The following EXOC4 variants were observed in gnomAD, a reference collection of about 807,000 sequenced individuals.
EXOC4 encodes exocyst complex component 4, also known as SEC8-like 1.
A neutral mutation model predicts 107.2 loss-of-function variants in EXOC4; 71 were observed. That is an observed-to-expected ratio of 0.66 (90% CI 0.55 to 0.81). EXOC4 has a LOEUF of 0.81. Ranked by LOEUF, EXOC4 falls within the 30% of genes least tolerant of loss-of-function variation. The pLI, the probability that EXOC4 is intolerant of heterozygous loss-of-function variation, is 0.00. For missense variants in EXOC4, 1,108 were observed against 1,189.6 expected (o/e 0.93, Z 1.01); for synonymous variants, 456 against 441.2 (o/e 1.03, Z -0.42).
At chr7:134,079,744 T>C in the EXOC4 span, among the ~76,000 whole-genome samples, 1 of 152,186 alleles carries the variant, frequency 6.6e-6, no homozygotes, top group African/African-American at 2.4e-5. Flanking sequence ...CTACTAACCA[T>C]CACTTTCCTA....
At chr7:133,766,992 A>G (rs952699388) in intron 10 of EXOC4, among the ~76,000 whole-genome samples, 2 of 151,916 alleles carry the variant, frequency 1.3e-5, no homozygotes, top group African/African-American at 2.4e-5. Context: ...CAGACGCTAG[A>G]TATTTTTAAA....
chr7:133,475,918 T>G (rs973096811), intron 8 of EXOC4, among the ~76,000 whole-genome samples: 3 of 147,692 alleles, frequency 2.0e-5, no homozygotes, highest in African/African-American at 5.3e-5. Flanking sequence ...ACAATCTGGG[T>G]TTTTTTTTAT....
intron 7 of EXOC4, among the ~76,000 whole-genome samples, chr7:133,467,068 T>A (rs1798747416): frequency 6.6e-6 from 1 of 152,150 alleles, no homozygotes; most frequent in African/African-American, 2.4e-5. Context: ...CTATTCACAT[T>A]ATGTATTTCA....
rs58354607 is a variant in EXOC4, at chr7:133,669,004, A to ATTTTTTTT, written c.1514+38874_1514+38881dup. ...TATGCACAATAGAATTGTTCTCCCAATTTTTTTTTTTTTTTTTTGCCTGTC... is the reference window on the plus strand; with the variant it reads ...TATGCACAATAGAATTGTTCTCCCAATTTTTTTTTTTTTTTTTTTTTTTTTTGCCTGTC... On this transcript the variant is annotated intron_variant, in intron 10 of 17. Coordinates refer to ENST00000253861, the MANE Select transcript of EXOC4 (RefSeq NM_021807.4). Among the ~76,000 whole-genome samples the ATTTTTTTT allele has an allele frequency of 1.3e-3, 150 of 118,410 alleles. 6 individuals are homozygous for ATTTTTTTT. The highest frequency in any genetic ancestry group is 3.7e-3 in the Admixed American group (39 of 10,460). The allele number at this position is 118,410 out of a possible 152,430, so 77.7% of individuals were successfully genotyped here.
chr7:133,800,560 C>A (rs1796917424), intron 10 of EXOC4, among the ~76,000 whole-genome samples: 1 of 152,164 alleles, frequency 6.6e-6, no homozygotes, highest in Non-Finnish European at 1.5e-5. Context: ...AGTAATATCA[C>A]ATTATTAAGT....
chr7:134,013,304 A>C (rs1205822920), intron 17 of EXOC4, among the ~76,000 whole-genome samples: 1 of 152,192 alleles, frequency 6.6e-6, no homozygotes, highest in Non-Finnish European at 1.5e-5. Context: ...CAATCTAATC[A>C]TGAGAAAGAC....
intron 9 of EXOC4, among the ~76,000 whole-genome samples, chr7:133,587,162 G>A (rs1801427330): frequency 6.6e-6 from 1 of 152,078 alleles, no homozygotes; most frequent in African/African-American, 2.4e-5. Context: ...CAGTAGAAGT[G>A]TAGTGACAAG....
intron 3 of EXOC4, among the ~76,000 whole-genome samples, chr7:133,289,369 G>C (rs1794354494): frequency 6.6e-6 from 1 of 152,178 alleles, no homozygotes; most frequent in South Asian, 2.1e-4. Flanking sequence ...CTTAAATCAG[G>C]TTAGAATGGT....
At chr7:133,626,276 A>G (rs1802452959) in intron 9 of EXOC4, among the ~76,000 whole-genome samples, 1 of 152,012 alleles carries the variant, frequency 6.6e-6, no homozygotes, top group Non-Finnish European at 1.5e-5. Flanking sequence ...AGGAAAAGTG[A>G]GTTTTGTTTC....
intron 10 of EXOC4, among the ~76,000 whole-genome samples, chr7:133,800,665 G>C (rs1038685701): frequency 6.6e-6 from 1 of 152,160 alleles, no homozygotes; most frequent in African/African-American, 2.4e-5. Flanking sequence ...TAGTCAAAAA[G>C]AATTCATTTA....
At position 133,859,321 on chromosome 7, in the gene EXOC4, G is replaced by A. The variant is rs145539050; in HGVS notation, c.1735-36278G>A. On this transcript the variant is annotated intron_variant, in intron 11 of 17. Transcript: ENST00000253861. ...CTCTTCCCACTACCTCACCCAGAGA[G>A]CTTTTCTGAATATGACAACCATCTA... is the stretch of plus-strand genomic sequence containing the variant. 9.8e-5 allele frequency among the ~76,000 whole-genome samples: 15 copies of A among 152,286 alleles called. No individual in the cohort carries two copies. The East Asian group carries it at 2.9e-3, about 29-fold the overall frequency.
At chr7:134,092,435 A>C in the EXOC4 span, among the ~76,000 whole-genome samples, 1 of 152,176 alleles carries the variant, frequency 6.6e-6, no homozygotes, top group African/African-American at 2.4e-5. Context: ...GATAGTTTTA[A>C]TCAGCCAATA....
intron 9 of EXOC4, among the ~76,000 whole-genome samples, chr7:133,582,874 TG>T (rs1460779758): frequency 6.6e-6 from 1 of 152,174 alleles, no homozygotes; most frequent in East Asian, 1.9e-4. Flanking sequence ...AAAGAGTTCA[TG>T]GGGGTTTTGA....
At chr7:134,058,104 A>C (rs1017759965) in intron 17 of EXOC4, among the ~76,000 whole-genome samples, 14 of 152,164 alleles carry the variant, frequency 9.2e-5, no homozygotes, top group African/African-American at 3.4e-4. Flanking sequence ...GCTGGAGAAA[A>C]CAGGAGTTCA....
chr7:133,326,732 A>G (rs1795252437), intron 5 of EXOC4, among the ~76,000 whole-genome samples: 1 of 152,166 alleles, frequency 6.6e-6, no homozygotes, highest in Admixed American at 6.5e-5. Context: ...CAAACTTCAA[A>G]GCTGTCAGAC....
intron 14 of EXOC4, among the ~76,000 whole-genome samples, chr7:133,953,061 C>G (rs1800729756): frequency 6.6e-6 from 1 of 152,196 alleles, no homozygotes; most frequent in Admixed American, 6.5e-5. Flanking sequence ...TACTGCACGT[C>G]TTTCTACTTC....
At chr7:133,595,578 T>A (rs1050694758) in intron 9 of EXOC4, among the ~76,000 whole-genome samples, 1 of 152,206 alleles carries the variant, frequency 6.6e-6, no homozygotes, top group Non-Finnish European at 1.5e-5. Context: ...TGCTGAGCAC[T>A]TTATGTGCAT....
At chr7:133,768,827 G>A (rs1228329355) in intron 10 of EXOC4, among the ~76,000 whole-genome samples, 1 of 151,914 alleles carries the variant, frequency 6.6e-6, no homozygotes, top group Non-Finnish European at 1.5e-5. Flanking sequence ...TAGTGAAGGA[G>A]TCAGATGAGT....
At chr7:133,823,899 AT>A (rs1563015118) in intron 11 of EXOC4, among the ~76,000 whole-genome samples, 2 of 28,192 alleles carry the variant, frequency 7.1e-5, no homozygotes, top group Admixed American at 3.7e-4. Flanking sequence ...TATATTTTAT[AT>A]ATATATATAT....
Sources: allele counts gnomAD v4.1 joint callset (sites outside exome capture counted in the v4.1 genomes callset), GRCh38; gene constraint gnomAD v4.1.1; transcripts MANE v1.5; gene names NCBI Gene and HGNC (gene_info 2026-07-23, HGNC 2026-07-21).